EPHA6: variants seen among roughly 807,000 people sequenced by gnomAD.
The protein encoded by EPHA6 is EPH receptor A6.
Under a neutral mutation model 112.0 loss-of-function variants are expected in EPHA6, and 50 were observed. The observed-to-expected ratio is 0.45, with a 90% CI of 0.36 to 0.56. EPHA6 has a LOEUF of 0.56. EPHA6 is among the 20% of genes least tolerant of loss of function. EPHA6 has a pLI of 0.00. For synonymous variants in EPHA6, 529 were observed against 490.7 expected, an observed-to-expected ratio of 1.08 and a Z score of -1.03; for missense variants, 1,280 against 1,417.4, an observed-to-expected ratio of 0.90 and a Z score of 1.56.
At chr3:97,186,588 T>C (rs1377867105) in intron 3 of EPHA6, among the ~76,000 whole-genome samples, 1 of 152,150 alleles carries the variant, frequency 6.6e-6, no homozygotes, top group Non-Finnish European at 1.5e-5. Flanking sequence ...TTCAAAGTTT[T>C]TAATAAAGTC....
At chr3:97,688,643 G>A (rs2032432449) in intron 14 of EPHA6, among the ~76,000 whole-genome samples, 1 of 151,482 alleles carries the variant, frequency 6.6e-6, no homozygotes, top group African/African-American at 2.4e-5. Context: ...GTTAACAGGT[G>A]TAGCACACCA....
intron 11 of EPHA6, among the ~76,000 whole-genome samples, chr3:97,580,449 A>G (rs973364260): frequency 3.3e-5 from 5 of 152,244 alleles, no homozygotes; most frequent in Non-Finnish European, 7.3e-5. Context: ...GGCATTTTCA[A>G]CAGTGAACAA....
At chr3:97,048,270 T>C (rs2045576723) in intron 3 of EPHA6, among the ~76,000 whole-genome samples, 1 of 152,156 alleles carries the variant, frequency 6.6e-6, no homozygotes. Context: ...AATATAGTAG[T>C]TGGGCAGTGG....
chr3:97,729,030 T>C (rs1224798083), intron 15 of EPHA6, among the ~76,000 whole-genome samples: 2 of 152,056 alleles, frequency 1.3e-5, no homozygotes, highest in Non-Finnish European at 2.9e-5. Flanking sequence ...GGATGGAGAA[T>C]TGTCTTAGGT....
intron 11 of EPHA6, among the ~76,000 whole-genome samples, chr3:97,571,169 C>A (rs1224566215): frequency 6.6e-6 from 1 of 152,016 alleles, no homozygotes; most frequent in African/African-American, 2.4e-5. Flanking sequence ...GCATTTAGGG[C>A]AGTAATATCA....
At chr3:97,595,835 T>C (rs2093584145) in intron 12 of EPHA6, among the ~76,000 whole-genome samples, 1 of 152,054 alleles carries the variant, frequency 6.6e-6, no homozygotes. Flanking sequence ...TTATTACTGT[T>C]TAAATCAAAT....
At chr3:97,382,412 A>G (rs1278784882) in intron 5 of EPHA6, among the ~76,000 whole-genome samples, 1 of 152,070 alleles carries the variant, frequency 6.6e-6, no homozygotes, top group East Asian at 1.9e-4. Context: ...GTTTGCTAGT[A>G]TATGTGATAA....
At position 97,736,154 on chromosome 3, in the gene EPHA6, C is replaced by A. The variant is rs2035242373; in HGVS notation, c.3128+36C>A. On this transcript the variant is annotated intron_variant, in intron 16 of 17. Coordinates refer to ENST00000389672, the MANE Select transcript of EPHA6 (RefSeq NM_001080448.3). ...TAATGTTGAGTTTTTTTCTTCTTGA[C>A]AATTATGGTTTCTTTCAGGCTATAG... is the stretch of plus-strand genomic sequence containing the variant. The A allele has an allele frequency of 3.2e-6, 5 of 1,543,176 alleles. No homozygotes were observed. In the East Asian group the frequency reaches 6.8e-5, roughly 21 times the overall value.
At chr3:97,502,207 C>T (rs903518879) in intron 10 of EPHA6, among the ~76,000 whole-genome samples, 1 of 134,880 alleles carries the variant, frequency 7.4e-6, no homozygotes, top group African/African-American at 2.9e-5. Flanking sequence ...CTTGCTCTAT[C>T]GCCCACGCTG....
chr3:97,186,255 C>T (rs1169343558), intron 3 of EPHA6, among the ~76,000 whole-genome samples: 1 of 152,064 alleles, frequency 6.6e-6, no homozygotes, highest in Non-Finnish European at 1.5e-5. Context: ...CCCTCTCAGC[C>T]TGCTTCCTAG....
chr3:97,239,843 G>T (rs1009811001), intron 4 of EPHA6, among the ~76,000 whole-genome samples: 4 of 151,842 alleles, frequency 2.6e-5, no homozygotes, highest in African/African-American at 9.7e-5. Flanking sequence ...CAAAATGCAT[G>T]TTGTTCAAGG....
At chr3:97,204,708 T>TTA (rs1197794915) in intron 3 of EPHA6, among the ~76,000 whole-genome samples, 1 of 152,088 alleles carries the variant, frequency 6.6e-6, no homozygotes, top group Non-Finnish European at 1.5e-5. Flanking sequence ...TGGAAAGGAA[T>TTA]TATGAAGTAA....
intron 10 of EPHA6, among the ~76,000 whole-genome samples, chr3:97,510,760 G>A (rs1318505433): frequency 6.6e-6 from 1 of 152,218 alleles, no homozygotes; most frequent in African/African-American, 2.4e-5. Context: ...AGGCAGGGAT[G>A]TTTAAGTCTG....
At chr3:96,881,748 G>T (rs1279491857) in intron 2 of EPHA6, among the ~76,000 whole-genome samples, 1 of 152,156 alleles carries the variant, frequency 6.6e-6, no homozygotes, top group Non-Finnish European at 1.5e-5. Context: ...CTATGTGCCT[G>T]TAAAATAAAA....
intron 3 of EPHA6, among the ~76,000 whole-genome samples, chr3:97,190,867 TAA>T (rs527606955): frequency 7.7e-4 from 116 of 150,784 alleles, no homozygotes; most frequent in African/African-American, 2.6e-3. Context: ...TAAAGTATAA[TAA>T]AAAAAAAGTC....
intron 6 of EPHA6, among the ~76,000 whole-genome samples, chr3:97,415,939 A>T (rs1168566009): frequency 6.6e-6 from 1 of 152,040 alleles, no homozygotes; most frequent in Non-Finnish European, 1.5e-5. Context: ...TTCAGAAAAA[A>T]ATCTAATTTT....
intron 5 of EPHA6, among the ~76,000 whole-genome samples, chr3:97,329,746 A>T (rs1302319459): frequency 1.2e-4 from 18 of 151,710 alleles, no homozygotes; most frequent in Admixed American, 1.1e-3. Flanking sequence ...GATTGCAAAA[A>T]TTTTCTCCCA....
At chr3:97,669,796 A>T (rs1234110954) in intron 14 of EPHA6, among the ~76,000 whole-genome samples, 1 of 152,206 alleles carries the variant, frequency 6.6e-6, no homozygotes, top group African/African-American at 2.4e-5. Flanking sequence ...TTTACTTGTT[A>T]CATCTACTTT....
chr3:97,430,510 T>A (rs1475095764), intron 6 of EPHA6, among the ~76,000 whole-genome samples: 1 of 152,096 alleles, frequency 6.6e-6, no homozygotes, highest in African/African-American at 2.4e-5. Context: ...TACTATAGAT[T>A]TTTATTGGAA....
Sources: gnomAD v4.1 joint callset for allele counts (sites outside exome capture counted in the v4.1 genomes callset) on GRCh38, gnomAD v4.1.1 for gene constraint, MANE v1.5 for transcripts, NCBI Gene and HGNC (gene_info 2026-07-23, HGNC 2026-07-21) for gene names.